Variants in PHIP observed in about 807,000 individuals in gnomAD.
The protein encoded by PHIP is PHIP subunit of CUL4-Ring ligase complex, also known as PH-interacting protein.
PHIP carries 54 observed loss-of-function variants against 236.8 expected under a neutral mutation model. That is an observed-to-expected ratio of 0.23 (90% confidence interval 0.18 to 0.29). PHIP has a LOEUF of 0.29. Ranked by LOEUF, PHIP falls within the 10% of genes least tolerant of loss-of-function variation. The pLI, the probability that PHIP is intolerant of heterozygous loss-of-function variation, is 1.00. For synonymous variants in PHIP, 756 were observed against 718.9 expected, an observed-to-expected ratio of 1.05 and a Z score of -0.83; for missense variants, 1,370 against 2,190.8, an observed-to-expected ratio of 0.63 and a Z score of 7.48.
chr6:79,019,195 A>G (rs1770986950), intron 9 of PHIP, 36 bp from the exon 10 acceptor site: 1 of 1,427,536 alleles, frequency 7.0e-7, no homozygotes, highest in Non-Finnish European at 9.9e-7. Flanking sequence ...AAAATATCCT[A>G]AAGGAACCAG....
intron 39 of PHIP, 109 bp downstream of exon 39, chr6:78,945,191 T>G (rs969804634): frequency 2.5e-5 from 19 of 771,276 alleles, no homozygotes; most frequent in Non-Finnish European, 4.2e-5. Flanking sequence ...TACAGATGTG[T>G]GACTTTTAAG....
At chr6:78,991,275 T>A (rs1319819320) in intron 19 of PHIP, among the ~76,000 whole-genome samples, 1 of 152,052 alleles carries the variant, frequency 6.6e-6, no homozygotes, top group African/African-American at 2.4e-5. Flanking sequence ...TGGTGATTCC[T>A]AGGGTAATTT....
intron 6 of PHIP, among the ~76,000 whole-genome samples, chr6:79,059,081 T>C (rs1029956300): frequency 8.5e-5 from 13 of 152,098 alleles, no homozygotes; most frequent in African/African-American, 2.9e-4. Flanking sequence ...AAAAAAATCA[T>C]AGATGATTAC....
Position 78,951,425 on chromosome 6 carries a change from G to A in PHIP, c.4053+3389C>T, listed in dbSNP as rs540887660. Among the ~76,000 whole-genome samples the A allele has an allele frequency of 5.7e-4, 87 of 152,168 alleles. No individual in the cohort carries two copies. The Middle Eastern group carries it at 0.01, about 18-fold the overall frequency. On this transcript the variant is annotated intron_variant, in intron 35 of 39. Coordinates refer to ENST00000275034, the MANE Select transcript of PHIP (RefSeq NM_017934.7). Reference sequence around the variant, plus strand: ...TTGAATATTTGATTAAACTCAAAATGTGAACCAATATTTTCATATAAAAGA... The same window carrying A: ...TTGAATATTTGATTAAACTCAAAATATGAACCAATATTTTCATATAAAAGA...
chr6:78,982,117 CT>C (rs757120375), intron 23 of PHIP, among the ~76,000 whole-genome samples: 11 of 152,006 alleles, frequency 7.2e-5, no homozygotes, highest in Admixed American at 2.0e-4. Flanking sequence ...AAAAATCTTC[CT>C]TTTAACCAAA....
At chr6:79,070,471 A>G (rs576178646) in intron 4 of PHIP, among the ~76,000 whole-genome samples, 1 of 152,348 alleles carries the variant, frequency 6.6e-6, no homozygotes, top group Non-Finnish European at 1.5e-5. Flanking sequence ...AGTTGCCTAG[A>G]ATTTAGTGTC....
At chr6:78,955,998 CTTTCT>C (rs960083582) in intron 32 of PHIP, 14 of 179,968 alleles carry the variant, frequency 7.8e-5, no homozygotes, top group South Asian at 3.9e-4. Flanking sequence ...TCTTCCAACT[CTTTCT>C]TTTATTTTTA....
chr6:78,935,669 C>A lies in PHIP; in HGVS notation c.*5024G>T. On this transcript the variant is annotated 3_prime_UTR_variant, in exon 40 of 40. Transcript: ENST00000275034. Reference sequence around the variant, plus strand: ...TGGAATTAAATTACATTTCGGCACCCAAATATCTTTTAACTGACAGTTTTC... The same window carrying A: ...TGGAATTAAATTACATTTCGGCACCAAAATATCTTTTAACTGACAGTTTTC... 11 of 984,012 alleles carry A rather than the reference C, an allele frequency of 1.1e-5. No individual in the cohort carries two copies. The highest frequency in any genetic ancestry group is 1.3e-5 in the Non-Finnish European group (11 of 828,734). The allele number at this position is 984,012 out of a possible 1,614,324, so 61.0% of individuals were successfully genotyped here.
intron 39 of PHIP, 23 bp downstream of exon 39, chr6:78,945,277 G>A (rs758863569): frequency 7.4e-6 from 11 of 1,487,060 alleles, no homozygotes; most frequent in Non-Finnish European, 8.5e-6. Flanking sequence ...ACTGTATCTT[G>A]AAAGATACAA....
intron 19 of PHIP, among the ~76,000 whole-genome samples, chr6:78,991,509 C>A (rs1376905546): frequency 6.6e-6 from 1 of 151,986 alleles, no homozygotes; most frequent in Non-Finnish European, 1.5e-5. Flanking sequence ...AACTGAACAA[C>A]ACAAATTGAG....
chr6:79,027,964 A>C (rs150568182), intron 7 of PHIP, among the ~76,000 whole-genome samples: 1 of 152,188 alleles, frequency 6.6e-6, no homozygotes, highest in South Asian at 2.1e-4. Context: ...AGTGTCTGAC[A>C]CATGGTTACA....
intron 29 of PHIP, among the ~76,000 whole-genome samples, chr6:78,965,153 A>G (rs995040223): frequency 4.6e-5 from 7 of 152,198 alleles, no homozygotes; most frequent in African/African-American, 9.7e-5. Flanking sequence ...TTGAGCTCTT[A>G]TATGTGTCAG....
chr6:78,953,496 A>G (rs564229875), intron 35 of PHIP, among the ~76,000 whole-genome samples: 41 of 152,354 alleles, frequency 2.7e-4, no homozygotes, highest in African/African-American at 5.3e-4. Flanking sequence ...AGCGAAATCC[A>G]TAAGTTGTGA....
intron 10 of PHIP, 104 bp from the exon 11 acceptor site, chr6:79,017,687 T>C: frequency 4.1e-6 from 3 of 725,204 alleles, no homozygotes; most frequent in Non-Finnish European, 7.0e-6. Context: ...ACTGAATTAA[T>C]ATTTTACTCC....
chr6:79,019,249 C>A, intron 9 of PHIP, 90 bp from the exon 10 acceptor site: 1 of 929,218 alleles, frequency 1.1e-6, no homozygotes, highest in South Asian at 1.5e-5. Context: ...CCCAGAAGGA[C>A]AAAATTAAGA....
At chr6:79,041,589 T>A (rs1156872721) in intron 7 of PHIP, among the ~76,000 whole-genome samples, 1 of 152,102 alleles carries the variant, frequency 6.6e-6, no homozygotes, top group African/African-American at 2.4e-5. Context: ...AAATCAAATT[T>A]ACTTAAGGTT....
At chr6:78,983,259 C>G in intron 22 of PHIP, 142 bp from the exon 23 acceptor site, 1 of 446,126 alleles carries the variant, frequency 2.2e-6, no homozygotes, top group Non-Finnish European at 3.8e-6. Context: ...TAATTTTCAA[C>G]TCATCTTCAA....
chr6:78,990,180 G>T (rs1416074064), intron 20 of PHIP, among the ~76,000 whole-genome samples: 1 of 152,114 alleles, frequency 6.6e-6, no homozygotes, highest in Non-Finnish European at 1.5e-5. Context: ...GACCTAAAAA[G>T]AAGTTTCACA....
chr6:79,029,487 A>C (rs1263191414), intron 7 of PHIP, among the ~76,000 whole-genome samples: 4 of 152,214 alleles, frequency 2.6e-5, no homozygotes, highest in Admixed American at 2.6e-4. Context: ...GTATTGGGAA[A>C]AAATGTTTAA....
Sources: gnomAD v4.1 joint callset for allele counts (sites outside exome capture counted in the v4.1 genomes callset) on GRCh38, gnomAD v4.1.1 for gene constraint, MANE v1.5 for transcripts, NCBI Gene and HGNC (gene_info 2026-07-23, HGNC 2026-07-21) for gene names.